RPN2: variants seen among roughly 807,000 people sequenced by gnomAD.
RPN2 encodes the protein ribophorin II, also known as dolichyl-diphosphooligosaccharide--protein glycosyltransferase subunit 2.
A neutral mutation model predicts 71.4 loss-of-function variants in RPN2; 29 were observed. The ratio of observed to expected loss-of-function variants is 0.41; its 90% CI spans 0.30 to 0.55. The LOEUF is 0.55. RPN2 is among the 20% of genes least tolerant of loss of function. The probability of loss-of-function intolerance (pLI) is 0.35; values close to 1 mark genes in which losing one functional copy is unlikely to be tolerated. For synonymous variants in RPN2, 308 were observed against 305.0 expected (o/e 1.01, Z -0.10); for missense variants, 726 against 774.1 (o/e 0.94, Z 0.74).
chr20:37,184,702 G>T (rs2066967315), intron 2 of RPN2, among the ~76,000 whole-genome samples: 1 of 152,196 alleles, frequency 6.6e-6, no homozygotes, highest in Non-Finnish European at 1.5e-5. Flanking sequence ...TGAGGCAGGA[G>T]AATCGTGTGA....
rs2066951022 is a variant in RPN2 at position 37,184,208 on chromosome 20, G to A, written c.42G>A (p.Leu14=). 1.2e-6 allele frequency: 2 copies of A among 1,614,026 alleles called. No homozygotes were observed. The highest frequency in any genetic ancestry group is 1.1e-5 in the South Asian group (1 of 91,082). Residue 14 remains leucine (L), a synonymous_variant, in exon 2 of 17, where the codon CTG becomes CTA. Transcript: ENST00000237530. ...CAAGCACTGTCTTCCTGTTGGCCCTGACAATCATAGCCAGCACCTGGGCTC... is the reference window on the plus strand; with the variant it reads ...CAAGCACTGTCTTCCTGTTGGCCCTAACAATCATAGCCAGCACCTGGGCTC... The part of the protein sequence containing the change: ...PGSSTVFLLA[L]TIIASTWALT...
chr20:37,223,576 T>G (rs943314844), intron 9 of RPN2, among the ~76,000 whole-genome samples: 51 of 152,190 alleles, frequency 3.4e-4, no homozygotes, highest in African/African-American at 1.2e-3. Flanking sequence ...ATTTTTCCCC[T>G]TATTTATTTT....
At chr20:37,207,533 C>G in intron 7 of RPN2, 84 bp downstream of exon 7, 5 of 1,265,336 alleles carry the variant, frequency 4.0e-6, no homozygotes, top group Non-Finnish European at 5.8e-6. Context: ...TGGTCACAGC[C>G]AATTACAGCC....
At chr20:37,216,704 C>A (rs12479772) in intron 9 of RPN2, among the ~76,000 whole-genome samples, 2 of 151,748 alleles carry the variant, frequency 1.3e-5, no homozygotes, top group Non-Finnish European at 2.9e-5. Flanking sequence ...TCAAATGATC[C>A]GCCTGCTTTG....
chr20:37,236,464 C>A, intron 15 of RPN2, 116 bp from the exon 16 acceptor site: 2 of 1,085,730 alleles, frequency 1.8e-6, no homozygotes, highest in Non-Finnish European at 2.8e-6. Flanking sequence ...ATAAAACAAG[C>A]TGGTATAGGA....
At chr20:37,195,266 T>C (rs1360448918) in intron 2 of RPN2, among the ~76,000 whole-genome samples, 1 of 152,216 alleles carries the variant, frequency 6.6e-6, no homozygotes, top group African/African-American at 2.4e-5. Flanking sequence ...TCCCTGCTTC[T>C]GCTGCTGTGT....
At chr20:37,190,337 A>G (rs536173070) in intron 2 of RPN2, among the ~76,000 whole-genome samples, 1 of 152,348 alleles carries the variant, frequency 6.6e-6, no homozygotes, top group East Asian at 1.9e-4. Context: ...ACTTGGGATA[A>G]TTACATGATT....
At chr20:37,228,795 C>T (rs765648732) in intron 12 of RPN2, 51 bp downstream of exon 12, 1 of 1,572,206 alleles carries the variant, frequency 6.4e-7, no homozygotes, top group South Asian at 1.1e-5. Flanking sequence ...GTGCCCCAGG[C>T]ACTGGTGGCT....
intron 1 of RPN2, 76 bp downstream of exon 1, chr20:37,179,445 C>G: frequency 7.7e-7 from 1 of 1,295,992 alleles, no homozygotes; most frequent in African/African-American, 1.7e-5. Context: ...GAGAGCCGGC[C>G]AGGCGGGATC....
At chr20:37,198,789 C>T (rs572708379) in intron 3 of RPN2, among the ~76,000 whole-genome samples, 227 of 152,258 alleles carry the variant, frequency 1.5e-3, no homozygotes, top group Non-Finnish European at 2.4e-3. Flanking sequence ...AGTGTACCCC[C>T]ACACGAGGTT....
At chr20:37,192,006 G>GC (rs201007731) in intron 2 of RPN2, among the ~76,000 whole-genome samples, 42 of 151,074 alleles carry the variant, frequency 2.8e-4, no homozygotes, top group African/African-American at 1.0e-3. Flanking sequence ...AGGCAGAAAG[G>GC]CAGGGATATT....
intron 2 of RPN2, among the ~76,000 whole-genome samples, chr20:37,191,905 G>GA (rs1342837816): frequency 6.7e-6 from 1 of 148,576 alleles, no homozygotes; most frequent in Non-Finnish European, 1.5e-5. Flanking sequence ...AACATAGTGA[G>GA]ACACCCGCCC....
chr20:37,207,376 A>G lies in RPN2; in HGVS notation c.794A>G (p.Asn265Ser). 1 of 1,614,168 alleles carries G rather than the reference A, an allele frequency of 6.2e-7. No individual in the cohort carries two copies. Among genetic ancestry groups the G allele is most frequent in the Admixed American group, 1.7e-5 (1 of 60,030 alleles). The change falls in exon 7 of 17, where the codon AAT (asparagine) becomes AGT (serine). Residue 265 changes from asparagine to serine, a missense_variant. By Grantham distance (46) the Asn-to-Ser change is conservative. Coordinates refer to ENST00000237530, the MANE Select transcript of RPN2 (RefSeq NM_002951.5). ...VASAAAVLSH[N>S]RYHVPVVVVP... is the part of the protein sequence containing the mutation. ...TCTGCAGCTGCTGTGCTCTCGCATAATCGCTACCACGTGCCAGTTGTGGTT... is the reference window on the plus strand; with the variant it reads ...TCTGCAGCTGCTGTGCTCTCGCATAGTCGCTACCACGTGCCAGTTGTGGTT...
chr20:37,205,814 G>A (rs185851227), intron 6 of RPN2, among the ~76,000 whole-genome samples: 127 of 152,258 alleles, frequency 8.3e-4, no homozygotes, highest in African/African-American at 2.8e-3. Flanking sequence ...TGGGGTCTTA[G>A]GGTACAGATT....
Position 37,236,704 on chromosome 20 carries a change from C to G in RPN2, c.1878C>G (p.Val626=), listed in dbSNP as rs1446749130. The part of the protein sequence containing the change: ...AGNRMLAQQA[V]KRTAH The stretch of plus-strand genomic sequence containing the variant: ...ATCGGATGCTGGCCCAGCAGGCAGT[C>G]AAGAGGTAAGGCCAGACATGAGCCA... Residue 626 remains valine (V), a synonymous_variant, in exon 16 of 17, where the codon GTC becomes GTG. Transcript: ENST00000237530. 4 of 1,613,902 alleles carry G rather than the reference C, an allele frequency of 2.5e-6. No individual in the cohort carries two copies. Among genetic ancestry groups the G allele is most frequent in the Non-Finnish European group, 3.4e-6 (4 of 1,179,926 alleles).
chr20:37,194,108 T>C (rs2067204074), intron 2 of RPN2, among the ~76,000 whole-genome samples: 1 of 152,188 alleles, frequency 6.6e-6, no homozygotes, highest in South Asian at 2.1e-4. Context: ...AAATGTCCTC[T>C]GCTTCGACAA....
chr20:37,188,691 C>G (rs1227731538), intron 2 of RPN2, among the ~76,000 whole-genome samples: 2 of 150,088 alleles, frequency 1.3e-5, no homozygotes, highest in Non-Finnish European at 2.9e-5. Context: ...GATCATGGTT[C>G]ACTGCAGCCT....
chr20:37,197,641 C>G (rs1025734196), intron 2 of RPN2, among the ~76,000 whole-genome samples: 2 of 152,170 alleles, frequency 1.3e-5, no homozygotes, highest in East Asian at 1.9e-4. Context: ...GGGTCTCGCT[C>G]TGTCTCCCAG....
intron 9 of RPN2, among the ~76,000 whole-genome samples, chr20:37,214,741 A>G (rs2067764616): frequency 6.6e-6 from 1 of 152,166 alleles, no homozygotes; most frequent in Non-Finnish European, 1.5e-5. Context: ...CAAGAAGTAT[A>G]TGATGTCGAT....
Sources: allele counts gnomAD v4.1 joint callset (sites outside exome capture counted in the v4.1 genomes callset), GRCh38; gene constraint gnomAD v4.1.1; transcripts MANE v1.5; gene names NCBI Gene and HGNC (gene_info 2026-07-23, HGNC 2026-07-21).